Variants in RTN4R observed in about 807,000 individuals in gnomAD.
RTN4R encodes the protein reticulon 4 receptor.
In RTN4R, 4 loss-of-function variants were observed where a neutral mutation model predicts 27.7. That is an observed-to-expected ratio of 0.14 (90% CI 0.07 to 0.33). The LOEUF (loss-of-function observed/expected upper bound fraction) is 0.33, where lower values mean the gene tolerates loss of function less well. Ranked by LOEUF, RTN4R falls within the 10% of genes least tolerant of loss-of-function variation. The pLI is 1.00. For missense variants in RTN4R, 554 were observed against 671.5 expected, an observed-to-expected ratio of 0.83 and a Z score of 1.93; for synonymous variants, 290 against 305.6, an observed-to-expected ratio of 0.95 and a Z score of 0.53.
rs577625201 is a variant in RTN4R at position 20,245,191 on chromosome 22, T to C, written c.23-2081A>G. ...GGGAGGACATGGGGGAGTGGCCACG[T>C]GGCGCTCAGTTCTGCCAGGAAGTGG... On this transcript the variant is annotated intron_variant, in intron 1 of 1. Coordinates refer to ENST00000043402, the MANE Select transcript of RTN4R (RefSeq NM_023004.6). Among the ~76,000 whole-genome samples the C allele has an allele frequency of 6.1e-4, 93 of 152,266 alleles. 1 individual carries two copies. In the South Asian group the frequency reaches 0.019, roughly 31 times the overall value.
chr22:20,261,410 G>C lies in RTN4R; in HGVS notation c.22+6661C>G, dbSNP rs1200679192. On this transcript the variant is annotated intron_variant, in intron 1 of 1. Transcript: ENST00000043402. ...CTGGAAGAAGGGGTCCCTGGAGCCA[G>C]GTGCACCAGGAGCCTCCAGCTTGCC... 2.6e-5 allele frequency among the ~76,000 whole-genome samples: 4 copies of C among 152,348 alleles called. No homozygotes were observed. The East Asian group carries it at 7.7e-4, about 29-fold the overall frequency.
intron 1 of RTN4R, among the ~76,000 whole-genome samples, chr22:20,251,142 T>TGTCCCTGG (rs1183410358): frequency 2.0e-5 from 3 of 152,094 alleles, no homozygotes; most frequent in Non-Finnish European, 4.4e-5. Flanking sequence ...TCTGGCCAGG[T>TGTCCCTGG]CACACCAAGG....
rs1569034012 is a variant in RTN4R at position 20,242,785 on chromosome 22, T to A, written c.348A>T (p.Ala116=). The A allele has an allele frequency of 6.2e-7, 1 of 1,612,836 alleles. No homozygotes were observed. Among genetic ancestry groups the A allele is most frequent in the Non-Finnish European group, 8.5e-7 (1 of 1,179,876 alleles). ...TGGCAGGGTCCACAGACCGGAGCTG[T>A]GCATTATCGCTGAGGTCCAGCTGCT... is the stretch of plus-strand genomic sequence containing the variant. ...LLEQLDLSDN[A]QLRSVDPATF... is the part of the protein sequence containing the mutation. The change falls in exon 2 of 2, where the codon GCA becomes GCT. Residue 116 remains alanine (A), a synonymous_variant. Coordinates refer to ENST00000043402, the MANE Select transcript of RTN4R (RefSeq NM_023004.6).
At chr22:20,244,672 A>T (rs1156281256) in intron 1 of RTN4R, among the ~76,000 whole-genome samples, 1 of 152,114 alleles carries the variant, frequency 6.6e-6, no homozygotes, top group Non-Finnish European at 1.5e-5. Flanking sequence ...CTTCCTAGGA[A>T]GGTGGGGCCT....
At position 20,268,213 on chromosome 22, in the gene RTN4R, G is replaced by A. The variant is rs2145989296; in HGVS notation, c.-121C>T. ...ACGGCCCGGCCCCGGCCCGGCCGCG[G>A]GACGAGGCTCGGCGCGCTCCGCTCC... On this transcript the variant is annotated 5_prime_UTR_variant, in exon 1 of 2. Transcript: ENST00000043402. The A allele has an allele frequency of 3.5e-6, 1 of 289,694 alleles. No individual in the cohort carries two copies. The highest frequency in any genetic ancestry group is 1.3e-4 in the East Asian group (1 of 7,752). 17.9% of individuals were successfully genotyped at this position (289,694 alleles called of 1,614,324 possible). A position where few individuals can be genotyped will look rare whatever the true frequency, so the allele number is the denominator to read the frequency against.
At chr22:20,248,869 G>A (rs1350586113) in intron 1 of RTN4R, among the ~76,000 whole-genome samples, 2 of 152,156 alleles carry the variant, frequency 1.3e-5, no homozygotes, top group African/African-American at 4.8e-5. Flanking sequence ...ATTCATCTTT[G>A]GTCAATGCTG....
At chr22:20,246,566 C>A (rs967071699) in intron 1 of RTN4R, among the ~76,000 whole-genome samples, 1 of 152,080 alleles carries the variant, frequency 6.6e-6, no homozygotes, top group Non-Finnish European at 1.5e-5. Flanking sequence ...GGCAGGCAGG[C>A]GGCTGCTGAG....
chr22:20,267,923 G>A (rs1353002524), intron 1 of RTN4R, 148 bp downstream of exon 1: 4 of 380,800 alleles, frequency 1.1e-5, no homozygotes, highest in Non-Finnish European at 1.7e-5. Flanking sequence ...CCAGCCTGGC[G>A]CGGCACTGCG....
At chr22:20,251,405 C>T (rs532956577) in intron 1 of RTN4R, among the ~76,000 whole-genome samples, 2 of 151,644 alleles carry the variant, frequency 1.3e-5, no homozygotes, top group African/African-American at 4.8e-5. Context: ...GGCCTCAGGC[C>T]TGGATGCTCC....
rs1297887979 is a variant in RTN4R, at chr22:20,255,603, G to A, written c.22+12468C>T. Among the ~76,000 whole-genome samples, 1 of 152,256 alleles carries A rather than the reference G, an allele frequency of 6.6e-6. No individual in the cohort carries two copies. The highest frequency in any genetic ancestry group is 2.4e-5 in the African/African-American group (1 of 41,470). On this transcript the variant is annotated intron_variant, in intron 1 of 1. Transcript: ENST00000043402. The surrounding 1 kb of genome is among the most constrained non-coding windows in gnomAD (Gnocchi z 4.8). ...TTGGGCCTTCCCTGCAGGCCAGGCA[G>A]CTGCTTCCCTGAACCAGCCTCAGAG...
chr22:20,267,456 C>G (rs1211723447), intron 1 of RTN4R, among the ~76,000 whole-genome samples: 1 of 152,106 alleles, frequency 6.6e-6, no homozygotes, highest in Admixed American at 6.5e-5. Flanking sequence ...GCCCCTGATT[C>G]CCCCAGCCAA....
intron 1 of RTN4R, among the ~76,000 whole-genome samples, chr22:20,256,338 C>T (rs1326726593): frequency 6.6e-6 from 1 of 152,208 alleles, no homozygotes. Context: ...CTGCATTCAT[C>T]CCCCCATGTA....
chr22:20,252,850 C>T (rs1377082915), intron 1 of RTN4R, among the ~76,000 whole-genome samples: 1 of 152,146 alleles, frequency 6.6e-6, no homozygotes, highest in Non-Finnish European at 1.5e-5. Flanking sequence ...CTGCCAGCCC[C>T]CTCCAAATCT....
chr22:20,268,077 C>T lies in RTN4R; in HGVS notation c.16G>A (p.Ala6Thr). Residue 6 changes from alanine to threonine, a missense_variant, in exon 1 of 2, where the codon GCT becomes ACT. Physicochemically the swap from Ala to Thr is moderately conservative, Grantham distance 58. This residue lies in a region of RTN4R where 413 missense variants were observed against 542.3 expected (regional missense o/e 0.76). Coordinates refer to ENST00000043402, the MANE Select transcript of RTN4R (RefSeq NM_023004.6). Reference protein sequence around the residue: MKRASAGGSRLLAWVL... With the variant: MKRASTGGSRLLAWVL... ...GTGCAGCGCGGACACTCACCTCCAG[C>T]GGACGCCCTCTTCATCGTAGGGGTT... 3 of 1,193,354 alleles carry T rather than the reference C, an allele frequency of 2.5e-6. No homozygotes were observed. The highest frequency in any genetic ancestry group is 3.1e-5 in the South Asian group (1 of 32,458). 73.9% of individuals were successfully genotyped at this position (1,193,354 alleles called of 1,614,324 possible).
Position 20,241,652 on chromosome 22 carries a change from G to A in RTN4R, c.*59C>T. On this transcript the variant is annotated 3_prime_UTR_variant, in exon 2 of 2. Transcript: ENST00000043402. ...CGCCCGGCTGGCTTGGCGGCGTGGA[G>A]AGAGACCCCGTATGTACACACACCT... is the stretch of plus-strand genomic sequence containing the variant. 1 of 1,538,568 alleles carries A rather than the reference G, an allele frequency of 6.5e-7. No individual in the cohort carries two copies. Among genetic ancestry groups the A allele is most frequent in the Non-Finnish European group, 8.8e-7 (1 of 1,138,926 alleles).
At chr22:20,251,956 C>CA (rs1246495411) in intron 1 of RTN4R, among the ~76,000 whole-genome samples, 1 of 18,436 alleles carries the variant, frequency 5.4e-5, no homozygotes, top group African/African-American at 2.0e-4. Context: ...GCAGCACCAT[C>CA]CTTATCCTCA....
At position 20,242,041 on chromosome 22, in the gene RTN4R, C is replaced by T. The variant is rs200061795; in HGVS notation, c.1092G>A (p.Pro364=). 5.7e-5 allele frequency: 92 copies of T among 1,612,162 alleles called. No individual in the cohort carries two copies. The East Asian group carries it at 1.4e-3, about 25-fold the overall frequency. The change falls in exon 2 of 2, where the codon CCG becomes CCA. Residue 364 remains proline, a synonymous_variant. Coordinates refer to ENST00000043402, the MANE Select transcript of RTN4R (RefSeq NM_023004.6). ...SAGNALKGRV[P]PGDSPPGNGS... ...CGTTGCCCGGCGGGCTGTCACCGGG[C>T]GGCACGCGTCCCTTCAGCGCATTGC...
In RTN4R at chr22:20,242,078, G is replaced by A. The variant is rs1387672629; in HGVS notation, c.1055C>T (p.Pro352Leu). Reference sequence around the variant, plus strand: ...CTTCAGCGCATTGCCTGCCGAAGCTGGTCTTCCAGGCTCCAGTACTGAGGC... The same window carrying A: ...CTTCAGCGCATTGCCTGCCGAAGCTAGTCTTCCAGGCTCCAGTACTGAGGC... Reference protein sequence around the residue: ...DKASVLEPGRPASAGNALKGR... With the variant: ...DKASVLEPGRLASAGNALKGR... Residue 352 changes from proline to leucine, a missense_variant, in exon 2 of 2, where the codon CCA becomes CTA. Pro to Leu is a moderately conservative substitution (Grantham distance 98, BLOSUM62 -3). This residue lies in a region of RTN4R where 413 missense variants were observed against 542.3 expected (regional missense o/e 0.76). Transcript: ENST00000043402. 1.2e-6 allele frequency: 2 copies of A among 1,612,370 alleles called. No homozygotes were observed. Among genetic ancestry groups the A allele is most frequent in the African/African-American group, 2.7e-5 (2 of 74,944 alleles).
rs142665302 is a variant in RTN4R at position 20,260,631 on chromosome 22, C to T, written c.22+7440G>A. The stretch of plus-strand genomic sequence containing the variant: ...GAAGGGGCTTCTGGGGTAGGGGCCA[C>T]GCCCGGGGGCAGGTGGCCCACCCTC... On this transcript the variant is annotated intron_variant, in intron 1 of 1. Transcript: ENST00000043402. Among the ~76,000 whole-genome samples the T allele has an allele frequency of 1.2e-3, 178 of 152,312 alleles. 1 individual carries two copies. Among genetic ancestry groups the T allele is most frequent in the African/African-American group, 4.1e-3 (170 of 41,568 alleles).
Sources: allele counts gnomAD v4.1 joint callset (sites outside exome capture counted in the v4.1 genomes callset), GRCh38; gene constraint gnomAD v4.1.1; regional missense constraint gnomAD v4.1.1; non-coding constraint Gnocchi (gnomAD v3.1); transcripts MANE v1.5; gene names NCBI Gene and HGNC (gene_info 2026-07-23, HGNC 2026-07-21).